NSMCE2: variants seen among roughly 807,000 people sequenced by gnomAD.
NSMCE2 encodes NSE2 SUMO ligase component of SMC5/6 complex, also known as E3 SUMO-protein ligase NSE2.
Under a neutral mutation model 23.8 loss-of-function variants are expected in NSMCE2, and 24 were observed. The observed-to-expected ratio is 1.01, with a 90% CI of 0.73 to 1.42. The LOEUF is 1.42. Ranked by LOEUF, NSMCE2 falls within the 40% of genes most tolerant of loss-of-function variation. The pLI is 0.00. For missense variants in NSMCE2, 284 were observed against 296.5 expected, an observed-to-expected ratio of 0.96 and a Z score of 0.31; for synonymous variants, 92 against 94.1, an observed-to-expected ratio of 0.98 and a Z score of 0.13.
chr8:125,304,307 G>A (rs1475257072), intron 5 of NSMCE2, among the ~76,000 whole-genome samples: 2 of 152,146 alleles, frequency 1.3e-5, no homozygotes, highest in Non-Finnish European at 2.9e-5. Flanking sequence ...AGTGATAGTT[G>A]CCACCTCATT....
chr8:125,169,544 C>A (rs1339919293), intron 4 of NSMCE2, among the ~76,000 whole-genome samples: 1 of 152,096 alleles, frequency 6.6e-6, no homozygotes, highest in Admixed American at 6.6e-5. Flanking sequence ...TCCTTACTTC[C>A]CCTACTTAGC....
intron 3 of NSMCE2, among the ~76,000 whole-genome samples, chr8:125,150,116 GA>G (rs111635109): frequency 0.019 from 2,937 of 152,106 alleles, 86 homozygotes; most frequent in African/African-American, 0.068. Context: ...CAGTTTTTCT[GA>G]AAACAAGTTT....
intron 5 of NSMCE2, among the ~76,000 whole-genome samples, chr8:125,292,024 G>A (rs1019385270): frequency 6.6e-6 from 1 of 151,968 alleles, no homozygotes; most frequent in Non-Finnish European, 1.5e-5. Context: ...GAATGAGATT[G>A]GGCCAGGACT....
In NSMCE2 at chr8:125,309,911, G is replaced by A. The variant is rs982565169; in HGVS notation, c.419-47308G>A. Among the ~76,000 whole-genome samples the A allele has an allele frequency of 3.3e-5, 5 of 152,194 alleles. No homozygotes were observed. In the South Asian group the frequency reaches 1.0e-3, roughly 32 times the overall value. On this transcript the variant is annotated intron_variant, in intron 5 of 7. Transcript: ENST00000287437. ...CTGTCAAAACAAGAAGCACCAGTCT[G>A]TGGTCAAAAGGTTTTTAAGAAGGAA...
In NSMCE2 at chr8:125,305,011, GAA is replaced by G. The variant is rs1188830352; in HGVS notation, c.419-52206_419-52205del. On this transcript the variant is annotated intron_variant, in intron 5 of 7. Transcript: ENST00000287437. ...GGAGGGAGGGAAGGAAGGAAGGAAA[GAA>G]AGAAGGAAGGAAAGAAAGAACTGAT... 1.4e-4 allele frequency among the ~76,000 whole-genome samples: 22 copies of G among 151,926 alleles called. No homozygotes were observed. In the South Asian group the frequency reaches 1.5e-3, roughly 10 times the overall value.
At chr8:125,274,763 C>T (rs1413030565) in intron 5 of NSMCE2, among the ~76,000 whole-genome samples, 1 of 151,890 alleles carries the variant, frequency 6.6e-6, no homozygotes. Flanking sequence ...AACCCCATCT[C>T]TACTAAAAAT....
intron 5 of NSMCE2, among the ~76,000 whole-genome samples, chr8:125,267,405 G>A (rs147568476): frequency 6.5e-4 from 99 of 152,288 alleles, no homozygotes; most frequent in African/African-American, 1.4e-3. Flanking sequence ...TATGTGAGAA[G>A]TAAGGCTAGA....
At chr8:125,178,113 G>A (rs928753269) in intron 4 of NSMCE2, among the ~76,000 whole-genome samples, 1 of 152,126 alleles carries the variant, frequency 6.6e-6, no homozygotes, top group African/African-American at 2.4e-5. Context: ...CCTCTCAGTT[G>A]TGTGTCCTCC....
intron 5 of NSMCE2, among the ~76,000 whole-genome samples, chr8:125,328,983 T>C (rs1435176283): frequency 6.6e-6 from 1 of 152,218 alleles, no homozygotes; most frequent in East Asian, 1.9e-4. Context: ...TCAGACAGTC[T>C]GCAGACCAAG....
chr8:125,123,188 G>C (rs1437220660), intron 3 of NSMCE2, among the ~76,000 whole-genome samples: 1 of 152,112 alleles, frequency 6.6e-6, no homozygotes. Flanking sequence ...CAAAGAGTAC[G>C]ATATAAGCCT....
At chr8:125,354,696 C>T (rs1479880718) in intron 5 of NSMCE2, among the ~76,000 whole-genome samples, 1 of 152,162 alleles carries the variant, frequency 6.6e-6, no homozygotes, top group Non-Finnish European at 1.5e-5. Flanking sequence ...AGCTGGCATA[C>T]AAATATACCA....
rs534554441 is a variant in NSMCE2 at position 125,191,565 on chromosome 8, A to G, written c.418+9309A>G. The stretch of plus-strand genomic sequence containing the variant: ...CTTTTTCGGTCACTTGCATTTAGAG[A>G]TTAGGGAGTAGTAATGATACCAGAC... On this transcript the variant is annotated intron_variant, in intron 5 of 7. Coordinates refer to ENST00000287437, the MANE Select transcript of NSMCE2 (RefSeq NM_173685.4). 3.9e-5 allele frequency among the ~76,000 whole-genome samples: 6 copies of G among 152,172 alleles called. No homozygotes were observed. The East Asian group carries it at 7.7e-4, about 20-fold the overall frequency.
At position 125,346,420 on chromosome 8, in the gene NSMCE2, T is replaced by C. The variant is rs575097941; in HGVS notation, c.419-10799T>C. ...TGCACAGGTGGTACTTACAACTCTC[T>C]AAAATAAGAGAATGTAAGAAGATGA... On this transcript the variant is annotated intron_variant, in intron 5 of 7. Coordinates refer to ENST00000287437, the MANE Select transcript of NSMCE2 (RefSeq NM_173685.4). Among the ~76,000 whole-genome samples the C allele has an allele frequency of 9.8e-5, 15 of 152,336 alleles. No homozygotes were observed. The South Asian group carries it at 1.4e-3, about 15-fold the overall frequency.
intron 5 of NSMCE2, among the ~76,000 whole-genome samples, chr8:125,262,801 G>A (rs1186410287): frequency 6.6e-6 from 1 of 152,088 alleles, no homozygotes. Context: ...TGTTTACTTC[G>A]TAGCTTTGAT....
intron 7 of NSMCE2, among the ~76,000 whole-genome samples, chr8:125,365,397 C>G (rs1265583440): frequency 6.6e-6 from 1 of 152,170 alleles, no homozygotes; most frequent in Non-Finnish European, 1.5e-5. Context: ...CTGCCCTCAC[C>G]TCTCTCCTGC....
chr8:125,213,533 T>TCC (rs1824439222), intron 5 of NSMCE2, among the ~76,000 whole-genome samples: 1 of 96,054 alleles, frequency 1.0e-5, no homozygotes, highest in African/African-American at 4.1e-5. Flanking sequence ...TCCTCTCCTC[T>TCC]CCTCTCCCCT....
chr8:125,129,596 T>A (rs2130551981), intron 3 of NSMCE2, among the ~76,000 whole-genome samples: 1 of 149,572 alleles, frequency 6.7e-6, no homozygotes, highest in South Asian at 2.1e-4. Context: ...GTTTCATTGA[T>A]ATTCTGAATA....
At chr8:125,169,148 C>G (rs960213135) in intron 4 of NSMCE2, among the ~76,000 whole-genome samples, 2 of 152,080 alleles carry the variant, frequency 1.3e-5, no homozygotes, top group South Asian at 2.1e-4. Context: ...GTTTTTTCTT[C>G]TAGCTTCTGG....
chr8:125,130,745 G>A (rs1047396146), intron 3 of NSMCE2, among the ~76,000 whole-genome samples: 4 of 152,074 alleles, frequency 2.6e-5, no homozygotes, highest in Admixed American at 2.0e-4. Context: ...TATATTAAGG[G>A]GAACATGTGT....
Sources: allele counts gnomAD v4.1 joint callset (sites outside exome capture counted in the v4.1 genomes callset), GRCh38; gene constraint gnomAD v4.1.1; transcripts MANE v1.5; gene names NCBI Gene and HGNC (gene_info 2026-07-23, HGNC 2026-07-21).